SLC25A42: variants seen among roughly 807,000 people sequenced by gnomAD.
SLC25A42 encodes the protein solute carrier family 25 member 42.
SLC25A42 carries 19 observed loss-of-function variants against 34.7 expected under a neutral mutation model. That is an observed-to-expected ratio of 0.55 (90% CI 0.38 to 0.80). SLC25A42 has a LOEUF of 0.80. Ranked by LOEUF, SLC25A42 falls within the 30% of genes least tolerant of loss-of-function variation. The pLI is 0.00. For missense variants in SLC25A42, 364 were observed against 441.3 expected (o/e 0.82, Z 1.57); for synonymous variants, 205 against 191.2 (o/e 1.07, Z -0.59).
chr19:19,076,081 G>C (rs2059654586), intron 1 of SLC25A42, among the ~76,000 whole-genome samples: 2 of 152,122 alleles, frequency 1.3e-5, no homozygotes, highest in East Asian at 1.9e-4. Context: ...CCAGAATGCT[G>C]TCCTCAGAAG....
intron 1 of SLC25A42, among the ~76,000 whole-genome samples, chr19:19,090,614 G>A (rs1247833203): frequency 6.6e-6 from 1 of 152,024 alleles, no homozygotes; most frequent in African/African-American, 2.4e-5. Flanking sequence ...GATCACTTGA[G>A]TTCAAGACCA....
intron 7 of SLC25A42, among the ~76,000 whole-genome samples, chr19:19,110,126 C>G (rs967326832): frequency 6.6e-6 from 1 of 152,134 alleles, no homozygotes; most frequent in East Asian, 1.9e-4. Context: ...GCAGGCAGAT[C>G]GCCTGAGGTC....
intron 1 of SLC25A42, among the ~76,000 whole-genome samples, chr19:19,068,874 A>AAATAAATT (rs1283826213): frequency 2.0e-5 from 3 of 150,864 alleles, no homozygotes; most frequent in Non-Finnish European, 4.4e-5. Flanking sequence ...ATAAATAAAT[A>AAATAAATT]AATTAGCTGG....
intron 1 of SLC25A42, among the ~76,000 whole-genome samples, chr19:19,070,816 T>C (rs186733702): frequency 6.6e-6 from 1 of 152,290 alleles, no homozygotes; most frequent in African/African-American, 2.4e-5. Flanking sequence ...AGGGAAATGC[T>C]TGTTCAGGTA....
intron 3 of SLC25A42, among the ~76,000 whole-genome samples, 184 bp from the exon 4 acceptor site, chr19:19,104,729 G>A (rs1012898695): frequency 6.6e-5 from 10 of 152,162 alleles, no homozygotes; most frequent in African/African-American, 2.2e-4. Context: ...TCTCAGACAC[G>A]TTCTCCTCTC....
chr19:19,068,814 G>A (rs940915334), intron 1 of SLC25A42, among the ~76,000 whole-genome samples: 1 of 151,576 alleles, frequency 6.6e-6, no homozygotes, highest in Non-Finnish European at 1.5e-5. Context: ...CTCCAGCCTG[G>A]GTGACAGAGC....
At chr19:19,110,312 C>T (rs1441049219) in intron 7 of SLC25A42, among the ~76,000 whole-genome samples, 1 of 152,084 alleles carries the variant, frequency 6.6e-6, no homozygotes, top group Non-Finnish European at 1.5e-5. Context: ...CATTGCCCTC[C>T]AGCCTGGGCA....
At position 19,096,224 on chromosome 19, in the gene SLC25A42, T is replaced by C. The variant is rs771524706; in HGVS notation, c.81+19T>C. Reference sequence around the variant, plus strand: ...ATCAAAGGCAAGTACCCCGGCCTCCTGGGATGGGTGTTCTCCTGGGGCCCC... The same window carrying C: ...ATCAAAGGCAAGTACCCCGGCCTCCCGGGATGGGTGTTCTCCTGGGGCCCC... On this transcript the variant is annotated intron_variant, in intron 2 of 7. Transcript: ENST00000318596. 4.4e-6 allele frequency: 7 copies of C among 1,601,188 alleles called. No individual in the cohort carries two copies. The highest frequency in any genetic ancestry group is 5.1e-6 in the Non-Finnish European group (6 of 1,169,596).
intron 6 of SLC25A42, among the ~76,000 whole-genome samples, chr19:19,107,681 C>A (rs11668620): frequency 2.6e-5 from 4 of 152,058 alleles, no homozygotes; most frequent in Admixed American, 6.5e-5. Flanking sequence ...ACTTGCTTCC[C>A]GTGGCGAAGG....
intron 7 of SLC25A42, 57 bp downstream of exon 7, chr19:19,108,102 G>A (rs888407571): frequency 2.0e-6 from 3 of 1,515,898 alleles, no homozygotes; most frequent in African/African-American, 2.8e-5. Flanking sequence ...CCTGGGGACA[G>A]CAGCTCCACC....
chr19:19,064,494 C>G (rs1011948681), intron 1 of SLC25A42, among the ~76,000 whole-genome samples: 1 of 142,432 alleles, frequency 7.0e-6, no homozygotes, highest in African/African-American at 2.6e-5. Context: ...TGAGTCTGTC[C>G]TTGTCGATGA....
intron 1 of SLC25A42, among the ~76,000 whole-genome samples, chr19:19,089,741 C>T (rs866784288): frequency 3.3e-5 from 5 of 151,290 alleles, no homozygotes; most frequent in Middle Eastern, 3.5e-3. Context: ...TGGCAGCACA[C>T]GCCTGTAATC....
intron 1 of SLC25A42, among the ~76,000 whole-genome samples, chr19:19,074,623 G>A (rs546957396): frequency 3.9e-5 from 6 of 152,256 alleles, no homozygotes; most frequent in Admixed American, 1.3e-4. Flanking sequence ...ATGTCTGGTC[G>A]GGAAGCTATG....
At chr19:19,105,076 T>A in intron 4 of SLC25A42, 138 bp downstream of exon 4, 1 of 1,065,326 alleles carries the variant, frequency 9.4e-7, no homozygotes, top group Non-Finnish European at 1.4e-6. Context: ...CAGCTCTGCC[T>A]GGACACAGCC....
At chr19:19,066,735 G>A (rs1281074405) in intron 1 of SLC25A42, among the ~76,000 whole-genome samples, 3 of 152,098 alleles carry the variant, frequency 2.0e-5, no homozygotes, top group Admixed American at 2.0e-4. Context: ...ACAGGCGTGA[G>A]CCACTGCGCC....
Position 19,104,978 on chromosome 19 carries a change from C to G in SLC25A42, c.213+40C>G, listed in dbSNP as rs1414307710. On this transcript the variant is annotated intron_variant, in intron 4 of 7. Transcript: ENST00000318596. ...CACCGCCCCGGCCTGGGGACAGTCACCACTACCCTGATGGGCTGGCAGGAG... is the reference window on the plus strand; with the variant it reads ...CACCGCCCCGGCCTGGGGACAGTCAGCACTACCCTGATGGGCTGGCAGGAG... 1.9e-6 allele frequency: 3 copies of G among 1,612,868 alleles called. No individual in the cohort carries two copies. In the African/African-American group the frequency reaches 4.0e-5, roughly 22 times the overall value.
chr19:19,074,688 AGTGT>A (rs1225751311), intron 1 of SLC25A42, among the ~76,000 whole-genome samples: 1 of 151,680 alleles, frequency 6.6e-6, no homozygotes, highest in African/African-American at 2.4e-5. Flanking sequence ...TGTGTGTGAC[AGTGT>A]GTGTGAGAGA....
chr19:19,080,429 A>G (rs545875009), intron 1 of SLC25A42, among the ~76,000 whole-genome samples: 1 of 152,266 alleles, frequency 6.6e-6, no homozygotes, highest in South Asian at 2.1e-4. Context: ...ACCCAGAAGT[A>G]CAGCGTCCTC....
At chr19:19,107,818 A>G in intron 6 of SLC25A42, 76 bp from the exon 7 acceptor site, 1 of 1,539,384 alleles carries the variant, frequency 6.5e-7, no homozygotes, top group East Asian at 2.3e-5. Context: ...CTTCGGGAGG[A>G]GCCGAGAGCC....
Sources: allele counts gnomAD v4.1 joint callset (sites outside exome capture counted in the v4.1 genomes callset), GRCh38; gene constraint gnomAD v4.1.1; transcripts MANE v1.5; gene names NCBI Gene and HGNC (gene_info 2026-07-23, HGNC 2026-07-21).